Variants in ZKSCAN4 observed in about 807,000 individuals in gnomAD.
ZKSCAN4 encodes the protein zinc finger with KRAB and SCAN domains 4, also known as zinc finger protein with KRAB and SCAN domains 4.
In ZKSCAN4, 23 loss-of-function variants were observed where a neutral mutation model predicts 30.8. The ratio of observed to expected loss-of-function variants is 0.75; its 90% CI spans 0.54 to 1.06. The LOEUF (loss-of-function observed/expected upper bound fraction) is 1.06, where lower values mean the gene tolerates loss of function less well. Among genes scored for constraint, ZKSCAN4 ranks in the 50% least tolerant of loss-of-function variants. ZKSCAN4 has a pLI of 0.00. For missense variants in ZKSCAN4, 556 were observed against 665.4 expected (o/e 0.84, Z 1.81); for synonymous variants, 208 against 252.5 (o/e 0.82, Z 1.67).
rs1182066904 is a variant in ZKSCAN4 at position 28,242,334 on chromosome 6, G to A, written c.*2782C>T. On this transcript the variant is annotated 3_prime_UTR_variant, in exon 5 of 5. Transcript: ENST00000377294. ...CAGCTATTTATAAACACATACCACT[G>A]TTTTATAGAAAAGTGGAGTATCTAA... Among the ~76,000 whole-genome samples, 1 of 152,026 alleles carries A rather than the reference G, an allele frequency of 6.6e-6. No homozygotes were observed. The highest frequency in any genetic ancestry group is 6.5e-5 in the Admixed American group (1 of 15,270).
Position 28,245,214 on chromosome 6 carries a change from G to T in ZKSCAN4, c.1540C>A (p.Pro514Thr). The T allele has an allele frequency of 1.9e-6, 3 of 1,614,148 alleles. No homozygotes were observed. Among genetic ancestry groups the T allele is most frequent in the South Asian group, 1.1e-5 (1 of 91,078 alleles). The part of the protein sequence containing the change: ...EHQKIHTGEK[P>T]YQCDTCGKGF... ...TTTCCACATGTGTCACACTGATAGG[G>T]TTTCTCACCAGTGTGGATTTTCTGA... Residue 514 changes from proline to threonine, a missense_variant, in exon 5 of 5, where the codon CCC (proline) becomes ACC (threonine). This residue lies in a region of ZKSCAN4 where 433 missense variants were observed against 511.5 expected (regional missense o/e 0.85). Coordinates refer to ENST00000377294, the MANE Select transcript of ZKSCAN4 (RefSeq NM_019110.5).
upstream of ZKSCAN4, among the ~76,000 whole-genome samples, chr6:28,252,971 G>A (rs990450645): frequency 6.6e-6 from 1 of 152,092 alleles, no homozygotes; most frequent in African/African-American, 2.4e-5. Context: ...GGCTAGATAC[G>A]CAGGTAGCCA....
chr6:28,248,508 T>G (rs532783510), intron 2 of ZKSCAN4, among the ~76,000 whole-genome samples: 2 of 152,160 alleles, frequency 1.3e-5, no homozygotes, highest in South Asian at 4.1e-4. Context: ...TAGTAGATAT[T>G]AGGATGCTTT....
rs1561857240 is a variant in ZKSCAN4 at position 28,245,866 on chromosome 6, T to G, written c.888A>C (p.Thr296=). 1 of 1,614,186 alleles carries G rather than the reference T, an allele frequency of 6.2e-7. No individual in the cohort carries two copies. Among genetic ancestry groups the G allele is most frequent in the Admixed American group, 1.7e-5 (1 of 60,028 alleles). Reference sequence around the variant, plus strand: ...CCTCCTGTTCACCAGCTTCTGCATGTGTAGGAATCTGGGCAATGTCTTCCC... The same window carrying G: ...CCTCCTGTTCACCAGCTTCTGCATGGGTAGGAATCTGGGCAATGTCTTCCC... ...HLREDIAQIP[T]HAEAGEQEGR... The change falls in exon 5 of 5, where the codon ACA becomes ACC. Residue 296 remains threonine (T), a synonymous_variant. Transcript: ENST00000377294.
chr6:28,246,868 T>G, intron 4 of ZKSCAN4, 101 bp downstream of exon 4: 1 of 1,379,074 alleles, frequency 7.3e-7, no homozygotes, highest in South Asian at 1.6e-5. Context: ...TGATTCTGAA[T>G]CCAAACATAA....
chr6:28,253,318 A>G (rs969568662), upstream of ZKSCAN4, among the ~76,000 whole-genome samples: 2 of 152,250 alleles, frequency 1.3e-5, no homozygotes, highest in Non-Finnish European at 2.9e-5. This position sits in a 1 kb window ranked among gnomAD's most constrained non-coding sequence, Gnocchi z 4.2. Flanking sequence ...TATGAGGGGA[A>G]AAAATATCAT....
At chr6:28,248,346 A>G (rs1269615212) in intron 2 of ZKSCAN4, among the ~76,000 whole-genome samples, 197 bp from the exon 3 acceptor site, 9 of 152,242 alleles carry the variant, frequency 5.9e-5, no homozygotes, top group Non-Finnish European at 1.2e-4. Flanking sequence ...GCAGATATAC[A>G]AAAACCACGT....
upstream of ZKSCAN4, among the ~76,000 whole-genome samples, chr6:28,254,907 A>C (rs1761136473): frequency 6.6e-6 from 1 of 152,262 alleles, no homozygotes; most frequent in Non-Finnish European, 1.5e-5. Context: ...TTTGTATGGC[A>C]CTTCTGATAA....
rs2113686098 is a variant in ZKSCAN4 at position 28,249,997 on chromosome 6, G to A, written c.424-163C>T. ...TTATTTTGGATTTTTATGATAAGTT[G>A]CTGAAAACGGAGATGTGGCCCGGAT... On this transcript the variant is annotated intron_variant, in intron 1 of 4. Coordinates refer to ENST00000377294, the MANE Select transcript of ZKSCAN4 (RefSeq NM_019110.5). The surrounding 1 kb of genome is among the most constrained non-coding windows in gnomAD (Gnocchi z 4.1). 6.6e-6 allele frequency among the ~76,000 whole-genome samples: 1 copy of A among 151,880 alleles called. No individual in the cohort carries two copies. Among genetic ancestry groups the A allele is most frequent in the South Asian group, 2.1e-4 (1 of 4,800 alleles).
At chr6:28,246,133 G>A (rs1371692084) in intron 4 of ZKSCAN4, 158 bp from the exon 5 acceptor site, 2 of 1,006,952 alleles carry the variant, frequency 2.0e-6, no homozygotes, top group Non-Finnish European at 1.4e-6. Context: ...GGGAGAACAG[G>A]GGTGCTGGGG....
At chr6:28,247,931 G>T in intron 3 of ZKSCAN4, 136 bp downstream of exon 3, 2 of 558,062 alleles carry the variant, frequency 3.6e-6, no homozygotes, top group Non-Finnish European at 6.2e-6. Flanking sequence ...TGCAACTTTG[G>T]GATAGATGAG....
At chr6:28,257,736 C>T in the ZKSCAN4 span, among the ~76,000 whole-genome samples, 1 of 152,074 alleles carries the variant, frequency 6.6e-6, no homozygotes, top group Non-Finnish European at 1.5e-5. Flanking sequence ...GATTGCCAGC[C>T]CCTAGTCTAG....
intron 2 of ZKSCAN4, among the ~76,000 whole-genome samples, chr6:28,248,451 A>C (rs1424856972): frequency 6.6e-6 from 1 of 152,162 alleles, no homozygotes; most frequent in Non-Finnish European, 1.5e-5. Flanking sequence ...GGAGATGGGG[A>C]GTAAAGAGGG....
intron 4 of ZKSCAN4, 143 bp downstream of exon 4, chr6:28,246,826 G>A: frequency 3.1e-6 from 3 of 971,512 alleles, no homozygotes; most frequent in Non-Finnish European, 3.0e-6. Flanking sequence ...GGAGTAAGGA[G>A]CTAGTAGTCA....
At chr6:28,248,785 C>T (rs1189257381) in intron 2 of ZKSCAN4, among the ~76,000 whole-genome samples, 5 of 142,238 alleles carry the variant, frequency 3.5e-5, no homozygotes, top group Non-Finnish European at 7.5e-5. Flanking sequence ...AAGGTCTCAC[C>T]ACTGCACTCC....
chr6:28,244,966 C>A lies in ZKSCAN4; in HGVS notation c.*150G>T. On this transcript the variant is annotated 3_prime_UTR_variant, in exon 5 of 5. Transcript: ENST00000377294. ...ACTTTCTAGAATGTAGAAGATAACT[C>A]ATCGTCTCAGCCAGACTACATTTTC... The A allele has an allele frequency of 1.0e-6, 1 of 983,992 alleles. No individual in the cohort carries two copies. 61.0% of individuals were successfully genotyped at this position (983,992 alleles called of 1,614,324 possible). A position where few individuals can be genotyped will look rare whatever the true frequency, so the allele number is the denominator to read the frequency against.
At position 28,243,513 on chromosome 6, in the gene ZKSCAN4, A is replaced by G. The variant is rs1441067582; in HGVS notation, c.*1603T>C. ...TAAGCATCGCAGGTGATTTGGGTGAAAGCAGAAGATATCAAAAAATTCTTA... is the reference window on the plus strand; with the variant it reads ...TAAGCATCGCAGGTGATTTGGGTGAGAGCAGAAGATATCAAAAAATTCTTA... On this transcript the variant is annotated 3_prime_UTR_variant, in exon 5 of 5. Transcript: ENST00000377294. 6.6e-6 allele frequency among the ~76,000 whole-genome samples: 1 copy of G among 152,194 alleles called. No homozygotes were observed. The highest frequency in any genetic ancestry group is 1.5e-5 in the Non-Finnish European group (1 of 68,026).
intron 3 of ZKSCAN4, among the ~76,000 whole-genome samples, chr6:28,247,791 C>T (rs530840363): frequency 6.6e-6 from 1 of 152,316 alleles, no homozygotes; most frequent in East Asian, 1.9e-4. Flanking sequence ...GGAGAAAAAT[C>T]ACATTGAAGA....
intron 3 of ZKSCAN4, 44 bp from the exon 4 acceptor site, chr6:28,247,136 T>C: frequency 1.3e-6 from 2 of 1,532,620 alleles, no homozygotes; most frequent in Non-Finnish European, 1.8e-6. Context: ...TGCCCAAAAT[T>C]ACCCCCAAAG....
Sources: allele counts gnomAD v4.1 joint callset (sites outside exome capture counted in the v4.1 genomes callset), GRCh38; gene constraint gnomAD v4.1.1; regional missense constraint gnomAD v4.1.1; non-coding constraint Gnocchi (gnomAD v3.1); transcripts MANE v1.5; gene names NCBI Gene and HGNC (gene_info 2026-07-23, HGNC 2026-07-21).